The following CTNNA3 variants were observed in gnomAD, a reference collection of about 807,000 sequenced individuals.
CTNNA3 encodes the protein catenin alpha 3.
Under a neutral mutation model 95.7 loss-of-function variants are expected in CTNNA3, and 76 were observed. That is an observed-to-expected ratio of 0.79 (90% CI 0.66 to 0.96). CTNNA3 has a LOEUF of 0.96. Among genes scored for constraint, CTNNA3 ranks in the 40% least tolerant of loss-of-function variants. The pLI is 0.00. For missense variants in CTNNA3, 1,191 were observed against 1,089.8 expected (o/e 1.09, Z -1.31); for synonymous variants, 431 against 374.4 (o/e 1.15, Z -1.74).
intron 4 of CTNNA3, among the ~76,000 whole-genome samples, chr10:67,531,624 T>G (rs1840330110): frequency 1.3e-5 from 2 of 152,050 alleles, no homozygotes; most frequent in Non-Finnish European, 2.9e-5. Flanking sequence ...TTGTCTTAGA[T>G]GAGATGTTGA....
At chr10:67,089,839 T>C (rs1857526528) in intron 7 of CTNNA3, among the ~76,000 whole-genome samples, 1 of 151,790 alleles carries the variant, frequency 6.6e-6, no homozygotes, top group African/African-American at 2.4e-5. Context: ...TCCATCCCTT[T>C]CACAAGCCTA....
At chr10:67,470,204 G>A (rs1246529898) in intron 5 of CTNNA3, among the ~76,000 whole-genome samples, 2 of 152,174 alleles carry the variant, frequency 1.3e-5, no homozygotes, top group Non-Finnish European at 2.9e-5. Flanking sequence ...TGTGATGTTT[G>A]TCTTTCTGTG....
chr10:66,515,176 A>T (rs1840796163), intron 11 of CTNNA3, among the ~76,000 whole-genome samples: 1 of 152,000 alleles, frequency 6.6e-6, no homozygotes, highest in African/African-American at 2.4e-5. Context: ...TTACATTTTA[A>T]TGTAGAGAGA....
chr10:67,271,633 G>C (rs760025300), intron 5 of CTNNA3, among the ~76,000 whole-genome samples: 27 of 152,116 alleles, frequency 1.8e-4, no homozygotes, highest in Non-Finnish European at 2.8e-4. Context: ...CCTCCTCTCT[G>C]TCAATTGTCC....
intron 13 of CTNNA3, among the ~76,000 whole-genome samples, chr10:66,239,234 AT>A (rs2089997408): frequency 6.6e-6 from 1 of 151,724 alleles, no homozygotes; most frequent in Non-Finnish European, 1.5e-5. Context: ...AAATAATTAC[AT>A]TTTATTTTAA....
intron 7 of CTNNA3, among the ~76,000 whole-genome samples, chr10:66,879,564 T>C (rs191065290): frequency 3.1e-4 from 47 of 152,246 alleles, no homozygotes; most frequent in Admixed American, 3.0e-3. Flanking sequence ...CAAGAGTATA[T>C]ATAGCACCTG....
intron 7 of CTNNA3, among the ~76,000 whole-genome samples, chr10:66,962,132 C>G (rs891762671): frequency 6.6e-6 from 1 of 152,168 alleles, no homozygotes; most frequent in Non-Finnish European, 1.5e-5. Context: ...AAACATAACT[C>G]ATAGCAGTCA....
At chr10:67,107,272 C>G (rs981660183) in intron 7 of CTNNA3, among the ~76,000 whole-genome samples, 1 of 152,174 alleles carries the variant, frequency 6.6e-6, no homozygotes, top group Admixed American at 6.5e-5. Context: ...CTTGGCCTTT[C>G]TAGGCAAGCC....
At chr10:66,310,114 T>A (rs4531353) in intron 12 of CTNNA3, among the ~76,000 whole-genome samples, 1 of 150,418 alleles carries the variant, frequency 6.6e-6, no homozygotes, top group African/African-American at 2.4e-5. Context: ...TGAGACTCCA[T>A]CTCAAAAAAA....
chr10:66,057,115 T>G (rs1011275762), intron 15 of CTNNA3, among the ~76,000 whole-genome samples: 3 of 152,148 alleles, frequency 2.0e-5, no homozygotes, highest in African/African-American at 7.2e-5. Flanking sequence ...AGAAATCTCC[T>G]TTTTAAAGCT....
chr10:66,798,940 G>C (rs1841320624), intron 7 of CTNNA3, among the ~76,000 whole-genome samples: 2 of 151,670 alleles, frequency 1.3e-5, no homozygotes, highest in African/African-American at 4.8e-5. Flanking sequence ...TACAAGTAAA[G>C]AGAGTATAAT....
intron 5 of CTNNA3, among the ~76,000 whole-genome samples, chr10:67,477,663 A>G (rs910911721): frequency 1.2e-4 from 19 of 152,218 alleles, no homozygotes; most frequent in African/African-American, 4.6e-4. Context: ...AAACAATATT[A>G]CAAGGAAAGA....
At chr10:66,900,054 T>C (rs1429258335) in intron 7 of CTNNA3, among the ~76,000 whole-genome samples, 2 of 152,066 alleles carry the variant, frequency 1.3e-5, no homozygotes, top group African/African-American at 2.4e-5. Flanking sequence ...CTCAAGTGGA[T>C]CCCTGACTCT....
chr10:66,557,637 T>G (rs1431785330), intron 10 of CTNNA3, among the ~76,000 whole-genome samples: 1 of 152,134 alleles, frequency 6.6e-6, no homozygotes, highest in African/African-American at 2.4e-5. Flanking sequence ...CTAAGTGAAG[T>G]AACAGACAGG....
chr10:66,820,980 A>C (rs1033248543), intron 7 of CTNNA3, among the ~76,000 whole-genome samples: 2 of 152,104 alleles, frequency 1.3e-5, no homozygotes, highest in Admixed American at 1.3e-4. Flanking sequence ...CATCATCATT[A>C]ACTTATTAGT....
chr10:66,969,085 T>A (rs1248524282), intron 7 of CTNNA3, among the ~76,000 whole-genome samples: 1 of 152,020 alleles, frequency 6.6e-6, no homozygotes, highest in African/African-American at 2.4e-5. Flanking sequence ...CTATTTCTTT[T>A]AAAATAACAT....
chr10:67,045,065 C>A (rs189965908), intron 7 of CTNNA3, among the ~76,000 whole-genome samples: 200 of 152,148 alleles, frequency 1.3e-3, no homozygotes, highest in African/African-American at 4.6e-3. Context: ...TTATAGATGC[C>A]AAATATGAAA....
chr10:67,471,174 T>C (rs1403172312), intron 5 of CTNNA3, among the ~76,000 whole-genome samples: 1 of 152,122 alleles, frequency 6.6e-6, no homozygotes, highest in Non-Finnish European at 1.5e-5. Flanking sequence ...GGGTTATCTT[T>C]TGCATTGCAA....
At chr10:66,472,550 G>A (rs1358457818) in intron 11 of CTNNA3, among the ~76,000 whole-genome samples, 2 of 151,890 alleles carry the variant, frequency 1.3e-5, no homozygotes, top group African/African-American at 4.8e-5. Context: ...TATTTTTAAA[G>A]TTATATTTAT....
Sources: gnomAD v4.1 joint callset for allele counts (sites outside exome capture counted in the v4.1 genomes callset) on GRCh38, gnomAD v4.1.1 for gene constraint, MANE v1.5 for transcripts, NCBI Gene and HGNC (gene_info 2026-07-23, HGNC 2026-07-21) for gene names.